The following ANKRD55 variants were observed in gnomAD, a reference collection of about 807,000 sequenced individuals.
ANKRD55 encodes ankyrin repeat domain 55, also known as ankyrin repeat domain-containing protein 55.
Under a neutral mutation model 60.6 loss-of-function variants are expected in ANKRD55, and 41 were observed. The observed-to-expected ratio is 0.68, with a 90% CI of 0.53 to 0.88. The LOEUF is 0.88. Ranked by LOEUF, ANKRD55 falls within the 40% of genes least tolerant of loss-of-function variation. The probability of loss-of-function intolerance (pLI) is 0.00; values close to 1 mark genes in which losing one functional copy is unlikely to be tolerated. For synonymous variants in ANKRD55, 264 were observed against 290.3 expected (o/e 0.91, Z 0.92); for missense variants, 732 against 767.6 (o/e 0.95, Z 0.55).
chr5:56,188,713 A>T (rs1759028169), intron 2 of ANKRD55, among the ~76,000 whole-genome samples: 1 of 152,174 alleles, frequency 6.6e-6, no homozygotes, highest in Non-Finnish European at 1.5e-5. Context: ...TATTTTGGTT[A>T]CTATAGCCTT....
At chr5:56,103,645 TC>T (rs1260390381) in intron 10 of ANKRD55, among the ~76,000 whole-genome samples, 1 of 152,154 alleles carries the variant, frequency 6.6e-6, no homozygotes, top group Non-Finnish European at 1.5e-5. Context: ...GTATATCTTT[TC>T]CACTTGTCAT....
At chr5:56,229,000 G>T (rs982137289) in intron 2 of ANKRD55, among the ~76,000 whole-genome samples, 4 of 151,844 alleles carry the variant, frequency 2.6e-5, no homozygotes, top group African/African-American at 9.7e-5. Context: ...AGAGACCCTG[G>T]CACGGCCAGG....
chr5:56,139,657 G>C (rs16884851), intron 7 of ANKRD55, among the ~76,000 whole-genome samples: 7,648 of 152,256 alleles, frequency 0.05, 366 homozygotes, highest in African/African-American at 0.12. Flanking sequence ...CCAAGATTAC[G>C]TGAGCTTGAG....
rs71602938 is a variant in ANKRD55 at position 56,106,420 on chromosome 5, C to CTTTTTTTTTTTTTTTTT, written c.1631-3851_1631-3835dup. On this transcript the variant is annotated intron_variant, in intron 10 of 11. Coordinates refer to ENST00000341048, the MANE Select transcript of ANKRD55 (RefSeq NM_024669.3). ...AATAAAATCCGTAAGGCTAGGAAAG[C>CTTTTTTTTTTTTTTTTT]TTTTTTTTTTTTTTTTTTTTTTTGA... is the stretch of plus-strand genomic sequence containing the variant. 7.2e-3 allele frequency among the ~76,000 whole-genome samples: 695 copies of CTTTTTTTTTTTTTTTTT among 96,896 alleles called. 104 individuals are homozygous for CTTTTTTTTTTTTTTTTT. Among genetic ancestry groups the CTTTTTTTTTTTTTTTTT allele is most frequent in the African/African-American group, 0.03 (513 of 17,128 alleles). 63.6% of individuals were successfully genotyped at this position (96,896 alleles called of 152,430 possible).
intron 10 of ANKRD55, chr5:56,108,215 T>C (rs1016843300): frequency 6.6e-6 from 1 of 152,160 alleles, no homozygotes; most frequent in Non-Finnish European, 1.5e-5. Flanking sequence ...CCCTGTGACT[T>C]TGGGTTTCTT....
rs570420719 is a variant in ANKRD55 at position 56,192,355 on chromosome 5, A to G, written c.59-8721T>C. On this transcript the variant is annotated intron_variant, in intron 2 of 11. Coordinates refer to ENST00000341048, the MANE Select transcript of ANKRD55 (RefSeq NM_024669.3). ...AAGCATGTGAAGACACGCAGATTAT[A>G]TTTTATTTAAAACTCTGCCGCTGCT... is the stretch of plus-strand genomic sequence containing the variant. 7.2e-5 allele frequency among the ~76,000 whole-genome samples: 11 copies of G among 152,368 alleles called. No homozygotes were observed. In the East Asian group the frequency reaches 2.1e-3, roughly 29 times the overall value.
At chr5:56,170,924 T>G in intron 4 of ANKRD55, 121 bp from the exon 5 acceptor site, 1 of 862,774 alleles carries the variant, frequency 1.2e-6, no homozygotes, top group East Asian at 2.6e-5. Flanking sequence ...TTATTTGACT[T>G]GAAGTGGTTA....
chr5:56,145,094 A>G (rs1261043692), intron 6 of ANKRD55, among the ~76,000 whole-genome samples: 1 of 152,234 alleles, frequency 6.6e-6, no homozygotes, highest in Non-Finnish European at 1.5e-5. Context: ...GAGCACATTA[A>G]TAATAGCGCA....
intron 2 of ANKRD55, among the ~76,000 whole-genome samples, chr5:56,227,864 T>C (rs1309953136): frequency 6.6e-6 from 1 of 152,186 alleles, no homozygotes; most frequent in Non-Finnish European, 1.5e-5. Flanking sequence ...AGCCTGGATC[T>C]GCTAAATGCT....
chr5:56,135,272 C>CTT (rs1554038491), intron 7 of ANKRD55, among the ~76,000 whole-genome samples: 1,684 of 103,726 alleles, frequency 0.016, 59 homozygotes, highest in Middle Eastern at 0.029. Context: ...CTTTCCCTCC[C>CTT]TCCCTCCCTG....
At chr5:56,222,559 C>T (rs1419499693) in intron 2 of ANKRD55, among the ~76,000 whole-genome samples, 1 of 152,144 alleles carries the variant, frequency 6.6e-6, no homozygotes, top group Non-Finnish European at 1.5e-5. Context: ...CTTCTCTGAG[C>T]TAAAGGAGGA....
intron 8 of ANKRD55, among the ~76,000 whole-genome samples, chr5:56,117,167 A>C (rs573963170): frequency 2.9e-4 from 44 of 152,352 alleles, no homozygotes; most frequent in African/African-American, 1.0e-3. Context: ...GAGTATTGTC[A>C]CTAACTTTAA....
chr5:56,212,049 GACACACACACACAC>G (rs200349739), intron 2 of ANKRD55, among the ~76,000 whole-genome samples: 15 of 130,140 alleles, frequency 1.2e-4, no homozygotes, highest in Non-Finnish European at 2.1e-4. Context: ...AACTGGTAAA[GACACACACACACAC>G]ACACACACAC....
In ANKRD55 at chr5:56,161,552, G is replaced by A. The variant is rs551455060; in HGVS notation, c.423-1659C>T. Among the ~76,000 whole-genome samples the A allele has an allele frequency of 3.8e-3, 575 of 152,322 alleles. 5 individuals are homozygous for A. Among genetic ancestry groups the A allele is most frequent in the Non-Finnish European group, 3.4e-3 (232 of 68,032 alleles). On this transcript the variant is annotated intron_variant, in intron 5 of 11. Coordinates refer to ENST00000341048, the MANE Select transcript of ANKRD55 (RefSeq NM_024669.3). Reference sequence around the variant, plus strand: ...TAGCAGTAAATGTAATACACAGAGAGCTTAAATAGAGATGGACTTCTGGTT... The same window carrying A: ...TAGCAGTAAATGTAATACACAGAGAACTTAAATAGAGATGGACTTCTGGTT...
intron 6 of ANKRD55, among the ~76,000 whole-genome samples, chr5:56,152,638 C>T (rs964103562): frequency 1.3e-5 from 2 of 152,170 alleles, no homozygotes; most frequent in African/African-American, 2.4e-5. Flanking sequence ...TTCTGAGGTC[C>T]TGTTTTGAAG....
At chr5:56,176,392 G>A (rs1758740890) in intron 3 of ANKRD55, 110 bp from the exon 4 acceptor site, 1 of 1,228,716 alleles carries the variant, frequency 8.1e-7, no homozygotes, top group Non-Finnish European at 1.2e-6. Context: ...AAACCCAGCT[G>A]TTTGTATGGG....
intron 6 of ANKRD55, among the ~76,000 whole-genome samples, chr5:56,149,736 GT>G (rs972087017): frequency 1.1e-4 from 16 of 150,910 alleles, no homozygotes; most frequent in Admixed American, 2.6e-4. Context: ...CTTTTGGGAG[GT>G]TTTTTTTTGG....
chr5:56,146,086 AT>A (rs913415129), intron 6 of ANKRD55, among the ~76,000 whole-genome samples: 3 of 152,168 alleles, frequency 2.0e-5, no homozygotes, highest in Non-Finnish European at 2.9e-5. Context: ...CATTTGCTTC[AT>A]TGCAAATGAA....
At chr5:56,205,089 C>T (rs1482701221) in intron 2 of ANKRD55, among the ~76,000 whole-genome samples, 1 of 151,762 alleles carries the variant, frequency 6.6e-6, no homozygotes, top group Non-Finnish European at 1.5e-5. Context: ...GAGACAGAGT[C>T]TCACTCTGTT....
Sources: allele counts gnomAD v4.1 joint callset (sites outside exome capture counted in the v4.1 genomes callset), GRCh38; gene constraint gnomAD v4.1.1; transcripts MANE v1.5; gene names NCBI Gene and HGNC (gene_info 2026-07-23, HGNC 2026-07-21).